Variants in DIXDC1 observed in about 807,000 individuals in gnomAD.
DIXDC1 encodes the protein dixin.
In DIXDC1, 64 loss-of-function variants were observed where a neutral mutation model predicts 103.1. That is an observed-to-expected ratio of 0.62 (90% CI 0.51 to 0.76). The LOEUF (loss-of-function observed/expected upper bound fraction) is 0.76. DIXDC1 is among the 30% of genes least tolerant of loss of function. DIXDC1 has a pLI of 0.00. For synonymous variants in DIXDC1, 266 were observed against 298.5 expected, an observed-to-expected ratio of 0.89 and a Z score of 1.12; for missense variants, 759 against 834.2, an observed-to-expected ratio of 0.91 and a Z score of 1.11.
chr11:111,939,737 A>T (rs1966355592), intron 1 of DIXDC1, among the ~76,000 whole-genome samples: 1 of 152,208 alleles, frequency 6.6e-6, no homozygotes, highest in Non-Finnish European at 1.5e-5. Flanking sequence ...GCTACTGAAT[A>T]ATAGTGTAAT....
upstream of DIXDC1, among the ~76,000 whole-genome samples, chr11:111,936,075 C>G (rs1461276983): frequency 6.6e-6 from 1 of 152,190 alleles, no homozygotes; most frequent in Non-Finnish European, 1.5e-5. Flanking sequence ...GGCTAAGGTA[C>G]TAATCAGGAT....
chr11:111,975,643 A>T (rs1390291219), intron 5 of DIXDC1: 1 of 985,636 alleles, frequency 1.0e-6, no homozygotes, highest in Admixed American at 6.1e-5. Context: ...AACACTCCCC[A>T]GATCATGTTT....
chr11:111,955,368 G>C (rs1966889271), intron 1 of DIXDC1, among the ~76,000 whole-genome samples: 2 of 150,152 alleles, frequency 1.3e-5, no homozygotes, highest in South Asian at 4.2e-4. Context: ...AGGAAGGAAA[G>C]GAGGGATGGA....
In DIXDC1 at chr11:111,995,009, G is replaced by C; in HGVS notation, c.1438-10G>C. The C allele has an allele frequency of 6.2e-7, 1 of 1,610,268 alleles. No homozygotes were observed. Among genetic ancestry groups the C allele is most frequent in the Non-Finnish European group, 8.5e-7 (1 of 1,179,126 alleles). ...CCTTTAACAAGCAACATTTCTTCAT[G>C]CTGCTGTAGGCGACCAACTACAACA... On this transcript the variant is annotated splice_polypyrimidine_tract_variant and intron_variant, in intron 14 of 19. Coordinates refer to ENST00000440460, the MANE Select transcript of DIXDC1 (RefSeq NM_001037954.4).
intron 19 of DIXDC1, 134 bp from the exon 20 acceptor site, chr11:112,018,822 C>A (rs1176792218): frequency 4.7e-6 from 3 of 642,392 alleles, no homozygotes; most frequent in African/African-American, 3.7e-5. Flanking sequence ...GTTCTAGGGA[C>A]AAGACCAAAA....
rs1189006921 is a variant in DIXDC1, at chr11:111,976,186, T to TGG, written c.656+1203_656+1204insGG. Among the ~76,000 whole-genome samples, 1 of 152,112 alleles carries TGG rather than the reference T, an allele frequency of 6.6e-6. No homozygotes were observed. The highest frequency in any genetic ancestry group is 2.4e-5 in the African/African-American group (1 of 41,406). ...CACCTGGAGCGGAATTACAGGATGT[T>TGG]TTGTTGTATTGCTTCCTGCACTTCT... On this transcript the variant is annotated intron_variant, in intron 5 of 19. Transcript: ENST00000440460. The surrounding 1 kb of genome is among the most constrained non-coding windows in gnomAD (Gnocchi z 4.3).
rs957265862 is a variant in DIXDC1 at position 111,976,486 on chromosome 11, C to T, written c.656+1503C>T. ...TTTGACATTTTCTTCTAATGCTGAC[C>T]CCTCATCCAGCTCTTTGGCATGCTG... On this transcript the variant is annotated intron_variant, in intron 5 of 19. Transcript: ENST00000440460. The surrounding 1 kb of genome is among the most constrained non-coding windows in gnomAD (Gnocchi z 4.3). 1.3e-5 allele frequency among the ~76,000 whole-genome samples: 2 copies of T among 152,142 alleles called. No homozygotes were observed. Among genetic ancestry groups the T allele is most frequent in the African/African-American group, 4.8e-5 (2 of 41,428 alleles).
intron 8 of DIXDC1, among the ~76,000 whole-genome samples, chr11:111,986,341 A>G (rs7394736): frequency 2.9e-4 from 10 of 34,310 alleles, no homozygotes; most frequent in Non-Finnish European, 5.4e-4. Context: ...CCTCCCCTGC[A>G]CCCAACCCCC....
chr11:111,950,855 CATTT>C (rs1361189707), intron 1 of DIXDC1, among the ~76,000 whole-genome samples: 4 of 152,150 alleles, frequency 2.6e-5, no homozygotes, highest in African/African-American at 9.7e-5. Flanking sequence ...TCACCACAAA[CATTT>C]ATCCTTTCTT....
chr11:111,989,034 C>T lies in DIXDC1; in HGVS notation c.1092C>T (p.Ala364=). 1 of 1,610,730 alleles carries T rather than the reference C, an allele frequency of 6.2e-7. No homozygotes were observed. Among genetic ancestry groups the T allele is most frequent in the Non-Finnish European group, 8.5e-7 (1 of 1,178,698 alleles). Reference sequence around the variant, plus strand: ...AACTGCTGAAATGTAAACAAGAAGCCAGAAACTTACAGGGGATAAAGGTAA... The same window carrying T: ...AACTGCTGAAATGTAAACAAGAAGCTAGAAACTTACAGGGGATAAAGGTAA... ...KKELLKCKQE[A]RNLQGIKDAL... Residue 364 remains alanine, a synonymous_variant, in exon 10 of 20, where the codon GCC becomes GCT. Transcript: ENST00000440460.
intron 2 of DIXDC1, among the ~76,000 whole-genome samples, chr11:111,967,508 G>GACTATTTTCA (rs1555171692): frequency 7.2e-5 from 11 of 152,130 alleles, no homozygotes; most frequent in Non-Finnish European, 1.3e-4. Flanking sequence ...AAACCATCAT[G>GACTATTTTCA]TCCTGCCTTG....
At chr11:111,956,023 C>CACACACACA (rs60795977) in intron 1 of DIXDC1, among the ~76,000 whole-genome samples, 1 of 150,206 alleles carries the variant, frequency 6.7e-6, no homozygotes, top group African/African-American at 2.5e-5. Context: ...CACACACACA[C>CACACACACA]GGTGGACTAT....
chr11:111,943,119 A>G (rs1314372344), intron 1 of DIXDC1, among the ~76,000 whole-genome samples: 1 of 152,102 alleles, frequency 6.6e-6, no homozygotes, highest in Non-Finnish European at 1.5e-5. Context: ...CAATTTATTT[A>G]TTTTTTAAAT....
chr11:112,000,076 A>G (rs587703269), intron 17 of DIXDC1, among the ~76,000 whole-genome samples: 4 of 152,310 alleles, frequency 2.6e-5, no homozygotes, highest in Admixed American at 2.6e-4. Flanking sequence ...TGGAGGTTGC[A>G]GCTAGCTGAG....
chr11:111,992,884 G>A (rs1860751703), intron 11 of DIXDC1, 67 bp from the exon 12 acceptor site: 6 of 1,507,122 alleles, frequency 4.0e-6, no homozygotes, highest in East Asian at 4.8e-5. Context: ...TGGTTACTAA[G>A]TAGCTGGTTT....
At position 111,974,074 on chromosome 11, in the gene DIXDC1, C is replaced by T. The variant is rs1232129166; in HGVS notation, c.368C>T (p.Ala123Val). 1.5e-5 allele frequency: 24 copies of T among 1,613,872 alleles called. No homozygotes were observed. Among genetic ancestry groups the T allele is most frequent in the Non-Finnish European group, 2.0e-5 (24 of 1,179,902 alleles). ...KSIMRLVLAL[A>V]AHFKPGSSRT... Reference sequence around the variant, plus strand: ...ATCATGAGGCTGGTCCTTGCCTTGGCAGCTCATTTCAAACCTGGCTCCAGC... The same window carrying T: ...ATCATGAGGCTGGTCCTTGCCTTGGTAGCTCATTTCAAACCTGGCTCCAGC... The change falls in exon 4 of 20, where the codon GCA (alanine) becomes GTA (valine). Residue 123 changes from alanine (A) to valine (V), a missense_variant. Coordinates refer to ENST00000440460, the MANE Select transcript of DIXDC1 (RefSeq NM_001037954.4).
intron 17 of DIXDC1, among the ~76,000 whole-genome samples, chr11:112,006,228 G>T (rs978625917): frequency 7.4e-4 from 112 of 152,348 alleles, no homozygotes; most frequent in Middle Eastern, 3.4e-3. Context: ...CAGCCTGGCA[G>T]GGGGAGGGGC....
Position 111,937,395 on chromosome 11 carries a change from A to T in DIXDC1, c.-105A>T. ...AAGTGGCATGCGGGACTCCGGAGGG[A>T]TCCCAATGAGCTGAGCCGAGAGCCT... is the stretch of plus-strand genomic sequence containing the variant. On this transcript the variant is annotated 5_prime_UTR_variant, in exon 1 of 20. Coordinates refer to ENST00000440460, the MANE Select transcript of DIXDC1 (RefSeq NM_001037954.4). 1 of 1,491,026 alleles carries T rather than the reference A, an allele frequency of 6.7e-7. No individual in the cohort carries two copies. The highest frequency in any genetic ancestry group is 1.3e-5 in the South Asian group (1 of 75,068). 92.4% of individuals were successfully genotyped at this position (1,491,026 alleles called of 1,614,324 possible).
upstream of DIXDC1, among the ~76,000 whole-genome samples, chr11:111,935,890 C>T (rs587597761): frequency 9.3e-4 from 141 of 152,334 alleles, 1 homozygote; most frequent in African/African-American, 3.1e-3. Flanking sequence ...TGGCCCTCTG[C>T]CCCCTGCCTG....
Sources: gnomAD v4.1 joint callset for allele counts (sites outside exome capture counted in the v4.1 genomes callset) on GRCh38, gnomAD v4.1.1 for gene constraint, Gnocchi (gnomAD v3.1) non-coding constraint, MANE v1.5 for transcripts, NCBI Gene and HGNC (gene_info 2026-07-23, HGNC 2026-07-21) for gene names.